PARD3B: variants seen among roughly 807,000 people sequenced by gnomAD.
PARD3B encodes the protein partitioning defective 3 homolog B.
A neutral mutation model predicts 130.2 loss-of-function variants in PARD3B; 103 were observed. The ratio of observed to expected loss-of-function variants is 0.79; its 90% confidence interval spans 0.67 to 0.93. The LOEUF is 0.93. Ranked by LOEUF, PARD3B falls within the 40% of genes least tolerant of loss-of-function variation. The pLI, the probability that PARD3B is intolerant of heterozygous loss-of-function variation, is 0.00. For synonymous variants in PARD3B, 583 were observed against 553.2 expected (o/e 1.05, Z -0.76); for missense variants, 1,609 against 1,499.2 (o/e 1.07, Z -1.21).
At chr2:205,093,332 T>A (rs1702219448) in intron 4 of PARD3B, among the ~76,000 whole-genome samples, 1 of 152,128 alleles carries the variant, frequency 6.6e-6, no homozygotes, top group African/African-American at 2.4e-5. Context: ...CCAAGATGGA[T>A]GAGACTCATT....
chr2:205,345,623 C>G (rs2043723590), intron 18 of PARD3B, among the ~76,000 whole-genome samples: 1 of 151,532 alleles, frequency 6.6e-6, no homozygotes, highest in Non-Finnish European at 1.5e-5. Flanking sequence ...CCCCCTTTCC[C>G]TATCTCCTCA....
At chr2:205,055,995 A>G (rs1699606109) in intron 4 of PARD3B, among the ~76,000 whole-genome samples, 2 of 152,216 alleles carry the variant, frequency 1.3e-5, no homozygotes, top group South Asian at 4.1e-4. Context: ...TCGTAAAGTG[A>G]AAGTTAAGGG....
At chr2:205,521,394 T>C (rs1422176411) in intron 21 of PARD3B, among the ~76,000 whole-genome samples, 1 of 152,114 alleles carries the variant, frequency 6.6e-6, no homozygotes, top group Admixed American at 6.5e-5. Context: ...GCCTTTACTG[T>C]CAAATTTCAT....
Position 205,020,925 on chromosome 2 carries a change from C to G in PARD3B, c.395-26656C>G, listed in dbSNP as rs546719240. Among the ~76,000 whole-genome samples, 6 of 152,252 alleles carry G rather than the reference C, an allele frequency of 3.9e-5. No homozygotes were observed. The South Asian group carries it at 1.2e-3, about 32-fold the overall frequency. On this transcript the variant is annotated intron_variant, in intron 3 of 22. Transcript: ENST00000406610. ...TAGTCAACAGATGGGAGTCTTCAGC[C>G]TGAGTGAGATCCCGCTAGAGGCCTT... is the stretch of plus-strand genomic sequence containing the variant.
At chr2:204,552,098 C>T (rs2197691) in intron 1 of PARD3B, among the ~76,000 whole-genome samples, 90,374 of 152,074 alleles carry the variant, frequency 0.59, 30,776 homozygotes, top group Non-Finnish European at 0.75. Context: ...CAGTTCAGAT[C>T]CAATGCTCTT....
chr2:205,362,421 C>G (rs2044423826), intron 18 of PARD3B, among the ~76,000 whole-genome samples: 2 of 152,196 alleles, frequency 1.3e-5, no homozygotes, highest in African/African-American at 4.8e-5. Flanking sequence ...CAATCAGTCA[C>G]ACTGCTGTTA....
At chr2:204,910,644 T>A (rs1362183421) in intron 2 of PARD3B, among the ~76,000 whole-genome samples, 1 of 152,224 alleles carries the variant, frequency 6.6e-6, no homozygotes, top group Non-Finnish European at 1.5e-5. Context: ...TTTGTTTGTT[T>A]GTTTTTTGTT....
At position 205,615,465 on chromosome 2, in the gene PARD3B, C is replaced by G. The variant is rs185126128; in HGVS notation, c.3270C>G (p.Pro1090=). The G allele has an allele frequency of 2.2e-4, 348 of 1,596,550 alleles. No individual in the cohort carries two copies. The highest frequency in any genetic ancestry group is 2.9e-4 in the Admixed American group (17 of 58,046). ...RQYASLPRGG[P]ADPVDYLPAA... is the part of the protein sequence containing the mutation. Reference sequence around the variant, plus strand: ...CTTCTTCTCTTTCCAGGGGAGGACCCGCAGATCCTGTAGACTATCTGCCAG... The same window carrying G: ...CTTCTTCTCTTTCCAGGGGAGGACCGGCAGATCCTGTAGACTATCTGCCAG... Residue 1090 remains proline, a synonymous_variant, in exon 23 of 23, where the codon CCC becomes CCG. Transcript: ENST00000406610.
chr2:205,040,591 C>G (rs1025747367), intron 3 of PARD3B, among the ~76,000 whole-genome samples: 1 of 152,124 alleles, frequency 6.6e-6, no homozygotes, highest in Non-Finnish European at 1.5e-5. Context: ...AAGATGCAGC[C>G]TATACTGTCT....
intron 3 of PARD3B, among the ~76,000 whole-genome samples, chr2:205,036,700 T>C (rs1419509268): frequency 1.4e-5 from 2 of 145,124 alleles, no homozygotes; most frequent in Non-Finnish European, 3.0e-5. Context: ...GCGGACTGTA[T>C]GTACAAAAAA....
At chr2:204,620,246 A>C (rs1053408479) in intron 1 of PARD3B, among the ~76,000 whole-genome samples, 1 of 152,056 alleles carries the variant, frequency 6.6e-6, no homozygotes. Context: ...CAGATGATCC[A>C]CCAGCTTGGG....
intron 2 of PARD3B, among the ~76,000 whole-genome samples, chr2:204,939,548 C>T (rs1448427466): frequency 6.6e-6 from 1 of 152,028 alleles, no homozygotes; most frequent in Non-Finnish European, 1.5e-5. Context: ...AAAACAAATG[C>T]CGTGTTCTAT....
chr2:205,275,837 CA>C (rs59238795), intron 16 of PARD3B, among the ~76,000 whole-genome samples: 9,351 of 60,802 alleles, frequency 0.15, 131 homozygotes, highest in Middle Eastern at 0.24. Flanking sequence ...AACTTTGTCT[CA>C]AAAAAAAAAA....
At position 205,339,734 on chromosome 2, in the gene PARD3B, G is replaced by A. The variant is rs535743740; in HGVS notation, c.2630+38033G>A. Among the ~76,000 whole-genome samples, 58 of 152,212 alleles carry A rather than the reference G, an allele frequency of 3.8e-4. No individual in the cohort carries two copies. In the South Asian group the frequency reaches 7.9e-3, roughly 21 times the overall value. ...TATCCTGCTGACTTTGTTCAGTTAC[G>A]GGCGCTATAAGTTGTGCTTTAAGAA... On this transcript the variant is annotated intron_variant, in intron 18 of 22. Transcript: ENST00000406610.
At chr2:204,656,407 G>A (rs979025235) in intron 1 of PARD3B, among the ~76,000 whole-genome samples, 2 of 152,112 alleles carry the variant, frequency 1.3e-5, no homozygotes, top group Non-Finnish European at 2.9e-5. Flanking sequence ...GGCAGTATGA[G>A]CAACTTAATT....
intron 4 of PARD3B, among the ~76,000 whole-genome samples, chr2:205,088,994 G>A (rs1383517459): frequency 1.3e-5 from 2 of 151,654 alleles, no homozygotes; most frequent in Non-Finnish European, 2.9e-5. Context: ...GTAGAGACGG[G>A]GTTTCACCCT....
chr2:205,561,629 T>C (rs527517464), intron 22 of PARD3B, among the ~76,000 whole-genome samples: 1 of 152,306 alleles, frequency 6.6e-6, no homozygotes, highest in Admixed American at 6.5e-5. Context: ...CACACTTCAT[T>C]TATTAATAGA....
chr2:205,179,690 C>T lies in PARD3B; in HGVS notation c.1924+3113C>T, dbSNP rs538822606. Among the ~76,000 whole-genome samples the T allele has an allele frequency of 4.5e-4, 68 of 152,228 alleles. 1 individual carries two copies. The highest frequency in any genetic ancestry group is 1.4e-3 in the East Asian group (7 of 5,170). On this transcript the variant is annotated intron_variant, in intron 13 of 22. Transcript: ENST00000406610. Reference sequence around the variant, plus strand: ...TTGATGCAAGGACAAAATTGCCTAACGAAGCTTTTCTCAGAATATATCCTC... The same window carrying T: ...TTGATGCAAGGACAAAATTGCCTAATGAAGCTTTTCTCAGAATATATCCTC...
At position 205,116,741 on chromosome 2, in the gene PARD3B, C is replaced by A. The variant is rs969982784; in HGVS notation, c.681-2180C>A. Among the ~76,000 whole-genome samples, 1 of 152,090 alleles carries A rather than the reference C, an allele frequency of 6.6e-6. No homozygotes were observed. The highest frequency in any genetic ancestry group is 2.4e-5 in the African/African-American group (1 of 41,424). The stretch of plus-strand genomic sequence containing the variant: ...TATCCCTTCCACGGAGCAGAGAGGG[C>A]AGAAGTGGTTTGTTGCCAGGGACCA... On this transcript the variant is annotated intron_variant, in intron 6 of 22. Coordinates refer to ENST00000406610, the MANE Select transcript of PARD3B (RefSeq NM_001302769.2). This position sits in a 1 kb window ranked among gnomAD's most constrained non-coding sequence, Gnocchi z 4.5.
Sources: gnomAD v4.1 joint callset for allele counts (sites outside exome capture counted in the v4.1 genomes callset) on GRCh38, gnomAD v4.1.1 for gene constraint, Gnocchi (gnomAD v3.1) non-coding constraint, MANE v1.5 for transcripts, NCBI Gene and HGNC (gene_info 2026-07-23, HGNC 2026-07-21) for gene names.